FAM114A2: variants seen among roughly 807,000 people sequenced by gnomAD.
The protein encoded by FAM114A2 is protein FAM114A2.
FAM114A2 carries 53 observed loss-of-function variants against 58.4 expected under a neutral mutation model. The ratio of observed to expected loss-of-function variants is 0.91; its 90% CI spans 0.73 to 1.14. FAM114A2 has a LOEUF of 1.14. FAM114A2 is among the 50% of genes most tolerant of loss of function. The pLI is 0.00. For synonymous variants in FAM114A2, 228 were observed against 211.4 expected, an observed-to-expected ratio of 1.08 and a Z score of -0.68; for missense variants, 601 against 581.1, an observed-to-expected ratio of 1.03 and a Z score of -0.35.
rs765339419 is a variant in FAM114A2 at position 154,026,481 on chromosome 5, C to T, written c.831G>A (p.Glu277=). The part of the protein sequence containing the change: ...ILNSLSGEEL[E]TLKVELEQLK... ...GTTGCTCTAATTCAACTTTTAGAGT[C>T]TCTAATTCTTCTCCACTCAGAGAAT... The change falls in exon 8 of 14, where the codon GAG becomes GAA. Residue 277 remains glutamate (E), a synonymous_variant. Coordinates refer to ENST00000351797, the MANE Select transcript of FAM114A2 (RefSeq NM_018691.4). The T allele has an allele frequency of 6.4e-7, 1 of 1,566,628 alleles. No homozygotes were observed. Among genetic ancestry groups the T allele is most frequent in the Non-Finnish European group, 8.7e-7 (1 of 1,154,906 alleles).
At position 154,027,375 on chromosome 5, in the gene FAM114A2, G is replaced by C. The variant is rs764940647; in HGVS notation, c.631-41C>G. ...GGCATTACACTGTAGCAAACAATGA[G>C]AGCTCAAGGGTGAGTTCTGAGAATT... is the stretch of plus-strand genomic sequence containing the variant. On this transcript the variant is annotated intron_variant, in intron 6 of 13. Transcript: ENST00000351797. 4.5e-6 allele frequency: 7 copies of C among 1,551,452 alleles called. No homozygotes were observed. In the South Asian group the frequency reaches 8.4e-5, roughly 19 times the overall value.
intron 1 of FAM114A2, among the ~76,000 whole-genome samples, chr5:154,038,093 T>C (rs528612279): frequency 2.6e-5 from 4 of 152,296 alleles, no homozygotes; most frequent in East Asian, 3.9e-4. Context: ...TTAGTGTTTT[T>C]GTAAGTCTTC....
chr5:153,997,728 G>A, intron 12 of FAM114A2, 75 bp downstream of exon 12: 3 of 918,944 alleles, frequency 3.3e-6, no homozygotes, highest in Non-Finnish European at 5.3e-6. Context: ...CACTTAAAGT[G>A]AGCAAATTTT....
At chr5:154,025,428 G>GA (rs138287508) in intron 8 of FAM114A2, among the ~76,000 whole-genome samples, 18,838 of 151,184 alleles carry the variant, frequency 0.12, 1,525 homozygotes, top group Non-Finnish European at 0.17. Context: ...TGCCAAAGCA[G>GA]AAAAAAAACT....
At position 154,002,978 on chromosome 5, in the gene FAM114A2, G is replaced by A; in HGVS notation, c.994-9C>T. On this transcript the variant is annotated splice_polypyrimidine_tract_variant and intron_variant, in intron 9 of 13. Transcript: ENST00000351797. Reference sequence around the variant, plus strand: ...TGGGCGGTATTTCTTGCCTAAATAAGAAAAATATTGGCCATCAACAATTCA... The same window carrying A: ...TGGGCGGTATTTCTTGCCTAAATAAAAAAAATATTGGCCATCAACAATTCA... 6.2e-7 allele frequency: 1 copy of A among 1,612,786 alleles called. No individual in the cohort carries two copies. Among genetic ancestry groups the A allele is most frequent in the Non-Finnish European group, 8.5e-7 (1 of 1,179,384 alleles).
intron 4 of FAM114A2, among the ~76,000 whole-genome samples, chr5:154,031,275 G>A (rs1377462006): frequency 1.9e-4 from 27 of 141,976 alleles, no homozygotes; most frequent in Non-Finnish European, 3.9e-4. Flanking sequence ...TCGCACCACT[G>A]TACTTCAGCC....
chr5:154,026,372 C>A (rs1443739685), intron 8 of FAM114A2, 27 bp downstream of exon 8: 2 of 1,517,712 alleles, frequency 1.3e-6, no homozygotes. Context: ...GCATCCTCTC[C>A]ACTCAGATAC....
intron 8 of FAM114A2, among the ~76,000 whole-genome samples, chr5:154,019,137 T>C (rs1771235169): frequency 6.6e-6 from 1 of 152,058 alleles, no homozygotes; most frequent in South Asian, 2.1e-4. Flanking sequence ...TGCTGATGAT[T>C]GTTTACCTAG....
intron 8 of FAM114A2, among the ~76,000 whole-genome samples, chr5:154,018,889 C>A (rs1180553194): frequency 6.6e-6 from 1 of 152,108 alleles, no homozygotes; most frequent in Non-Finnish European, 1.5e-5. Flanking sequence ...ACAAAATCAG[C>A]ATACAAGGGA....
Position 154,028,259 on chromosome 5 carries a change from A to G in FAM114A2, c.520T>C (p.Leu174=), listed in dbSNP as rs1379397733. Residue 174 remains leucine (L), a synonymous_variant, in exon 6 of 14, where the codon TTG becomes CTG. Transcript: ENST00000351797. ...STGKSVISGG[L]DALEFIGKKT... ...TTTCCAATGAATTCTAAGGCATCCA[A>G]ACCCCCACTTATAACACTCTTTCCC... is the stretch of plus-strand genomic sequence containing the variant. 3 of 1,604,494 alleles carry G rather than the reference A, an allele frequency of 1.9e-6. No homozygotes were observed. The highest frequency in any genetic ancestry group is 2.7e-5 in the African/African-American group (2 of 74,424).
At chr5:154,036,797 G>C (rs750724362) in intron 1 of FAM114A2, 1 of 152,172 alleles carries the variant, frequency 6.6e-6, no homozygotes, top group Non-Finnish European at 1.5e-5. Flanking sequence ...TTTTTATTTG[G>C]CCTGCACAGT....
intron 8 of FAM114A2, among the ~76,000 whole-genome samples, chr5:154,015,073 A>C (rs1418538639): frequency 6.6e-6 from 1 of 152,000 alleles, no homozygotes; most frequent in African/African-American, 2.4e-5. Context: ...GGCAGCCATA[A>C]TCCTCCTAGG....
chr5:154,027,914 T>C (rs1771902893), intron 6 of FAM114A2, among the ~76,000 whole-genome samples: 1 of 152,146 alleles, frequency 6.6e-6, no homozygotes, highest in South Asian at 2.1e-4. Context: ...TGACAGGGTT[T>C]AGCATTTTGC....
At position 154,002,375 on chromosome 5, in the gene FAM114A2, C is replaced by G; in HGVS notation, c.1132G>C (p.Ala378Pro). 1 of 1,613,804 alleles carries G rather than the reference C, an allele frequency of 6.2e-7. No individual in the cohort carries two copies. The highest frequency in any genetic ancestry group is 8.5e-7 in the Non-Finnish European group (1 of 1,179,736). The change falls in exon 11 of 14, where the codon GCA becomes CCA. Residue 378 changes from alanine (A) to proline (P), a missense_variant. Physicochemically the swap from Ala to Pro is conservative, Grantham distance 27. Coordinates refer to ENST00000351797, the MANE Select transcript of FAM114A2 (RefSeq NM_018691.4). ...GTCAGTTCAGCCAGGCTCCGGATTG[C>G]AAACGCATGGATATCCTGGATGGAA... ...KNSIEDIHAFAIRSLAELTAC... is the reference protein window; with the variant it reads ...KNSIEDIHAFPIRSLAELTAC...
chr5:154,002,638 C>G (rs1199836028), intron 10 of FAM114A2, among the ~76,000 whole-genome samples: 4 of 152,142 alleles, frequency 2.6e-5, no homozygotes, highest in African/African-American at 7.2e-5. Context: ...TTCTGGGAAC[C>G]TTCCTCATGA....
intron 8 of FAM114A2, among the ~76,000 whole-genome samples, chr5:154,025,703 T>A (rs571798608): frequency 7.7e-4 from 114 of 148,736 alleles, no homozygotes; most frequent in Admixed American, 4.5e-3. Context: ...TCCACTTTTT[T>A]AAAAAAAAAA....
Position 154,000,100 on chromosome 5 carries a change from G to A in FAM114A2, c.1256+2151C>T, listed in dbSNP as rs116026418. 3.9e-4 allele frequency among the ~76,000 whole-genome samples: 60 copies of A among 152,188 alleles called. 1 individual carries two copies. The highest frequency in any genetic ancestry group is 1.4e-3 in the African/African-American group (59 of 41,528). On this transcript the variant is annotated intron_variant, in intron 11 of 13. Transcript: ENST00000351797. ...AAGTGAAATAAGCCAAGCACAGAAAGACAAACACCTCATGTTCTCACTCAT... is the reference window on the plus strand; with the variant it reads ...AAGTGAAATAAGCCAAGCACAGAAAAACAAACACCTCATGTTCTCACTCAT...
rs923953004 is a variant in FAM114A2 at position 154,026,609 on chromosome 5, T to C, written c.790-87A>G. On this transcript the variant is annotated intron_variant, in intron 7 of 13. Transcript: ENST00000351797. Reference sequence around the variant, plus strand: ...TAGGGAAGAGACTATAAAAAGATCATATTGAAGTCAAAATTATGAGCTCAT... The same window carrying C: ...TAGGGAAGAGACTATAAAAAGATCACATTGAAGTCAAAATTATGAGCTCAT... 2.1e-5 allele frequency: 19 copies of C among 925,942 alleles called. No individual in the cohort carries two copies. In the African/African-American group the frequency reaches 3.1e-4, roughly 15 times the overall value. The allele number at this position is 925,942 out of a possible 1,614,324, so 57.4% of individuals were successfully genotyped here. A position where few individuals can be genotyped will look rare whatever the true frequency, so the allele number is the denominator to read the frequency against.
intron 12 of FAM114A2, among the ~76,000 whole-genome samples, chr5:153,996,173 G>T (rs1319747939): frequency 6.6e-6 from 1 of 152,106 alleles, no homozygotes; most frequent in Non-Finnish European, 1.5e-5. Context: ...ATATCAAGAC[G>T]ATATGACACT....
Sources: allele counts gnomAD v4.1 joint callset (sites outside exome capture counted in the v4.1 genomes callset), GRCh38; gene constraint gnomAD v4.1.1; transcripts MANE v1.5; gene names NCBI Gene and HGNC (gene_info 2026-07-23, HGNC 2026-07-21).